The following OR7A17 variants were observed in gnomAD, a reference collection of about 807,000 sequenced individuals.
OR7A17 encodes the protein olfactory receptor 7A17.
For synonymous variants in OR7A17, 159 were observed against 142.1 expected (o/e 1.12, Z -0.85); for missense variants, 366 against 365.5 (o/e 1.00, Z -0.01).
At position 14,878,626 on chromosome 19, in the gene OR7A17, C is replaced by T. The variant is rs1161841391; in HGVS notation, c.*1800G>A. The T allele has an allele frequency of 1.3e-5, 2 of 152,138 alleles. No homozygotes were observed. The highest frequency in any genetic ancestry group is 2.9e-5 in the Non-Finnish European group (2 of 68,016). 9.4% of individuals were successfully genotyped at this position (152,138 alleles called of 1,614,324 possible). ...ACCTCATTACAAATGGGCACCAAGC[C>T]TCTATAAGTAGATGTATATCATCAG... On this transcript the variant is annotated 3_prime_UTR_variant, in exon 3 of 3. Coordinates refer to ENST00000641113, the MANE Select transcript of OR7A17 (RefSeq NM_030901.2).
At position 14,881,364 on chromosome 19, in the gene OR7A17, T is replaced by TTTTATTTA; in HGVS notation, c.-10_-9insTAAATAAA. ...TCATTCTCTGGTTCCATCTTTTTTT[T>TTTTATTTA]TCTATTTATTTATTTATTTATTTAT... On this transcript the variant is annotated 5_prime_UTR_variant, in exon 3 of 3. Transcript: ENST00000641113. 1 of 1,151,292 alleles carries TTTTATTTA rather than the reference T, an allele frequency of 8.7e-7. No homozygotes were observed. 71.3% of individuals were successfully genotyped at this position (1,151,292 alleles called of 1,614,324 possible).
chr19:14,880,531 T>C lies in OR7A17; in HGVS notation c.825A>G (p.Ser275=), dbSNP rs774342888. The change falls in exon 3 of 3, where the codon TCA becomes TCG. Residue 275 remains serine, a synonymous_variant. Transcript: ENST00000641113. The stretch of plus-strand genomic sequence containing the variant: ...TGGGGGTGGCCACAGTGTACATCAC[T>C]GAGGCTGTTGCACTTGTGTGTGAGT... ...THNSHTSATA[S]VMYTVATPML... is the part of the protein sequence containing the mutation. The C allele has an allele frequency of 1.2e-6, 2 of 1,614,184 alleles. No individual in the cohort carries two copies. Among genetic ancestry groups the C allele is most frequent in the Non-Finnish European group, 1.7e-6 (2 of 1,180,024 alleles).
chr19:14,885,022 AAACT>A (rs2045129601), intron 1 of OR7A17, among the ~76,000 whole-genome samples: 1 of 152,210 alleles, frequency 6.6e-6, no homozygotes, highest in African/African-American at 2.4e-5. Context: ...CCAATGACAA[AAACT>A]ACATGATTAT....
intron 1 of OR7A17, among the ~76,000 whole-genome samples, chr19:14,884,001 G>A (rs1162519553): frequency 1.3e-5 from 2 of 152,154 alleles, no homozygotes; most frequent in African/African-American, 2.4e-5. Context: ...ATCCAATTTA[G>A]TTGCAAAAGA....
At chr19:14,882,603 A>T (rs774919991) in intron 1 of OR7A17, among the ~76,000 whole-genome samples, 1 of 152,258 alleles carries the variant, frequency 6.6e-6, no homozygotes, top group Admixed American at 6.5e-5. Flanking sequence ...ACTTAAAGAC[A>T]CAAGGAGTCC....
At chr19:14,884,714 A>G (rs954093754) in intron 1 of OR7A17, 1 of 152,026 alleles carries the variant, frequency 6.6e-6, no homozygotes, top group Admixed American at 6.6e-5. Context: ...ACCTGGTATC[A>G]CTCCTTCTGA....
Position 14,880,129 on chromosome 19 carries a change from C to A in OR7A17, c.*297G>T, listed in dbSNP as rs957891505. On this transcript the variant is annotated 3_prime_UTR_variant, in exon 3 of 3. Coordinates refer to ENST00000641113, the MANE Select transcript of OR7A17 (RefSeq NM_030901.2). ...GATTCTGCAGGACTAATGCAACCCACAAGTGTAGGAGAAAAATAGGAATCT... is the reference window on the plus strand; with the variant it reads ...GATTCTGCAGGACTAATGCAACCCAAAAGTGTAGGAGAAAAATAGGAATCT... 7 of 202,578 alleles carry A rather than the reference C, an allele frequency of 3.5e-5. No individual in the cohort carries two copies. Among genetic ancestry groups the A allele is most frequent in the Non-Finnish European group, 6.6e-5 (7 of 106,166 alleles). 12.5% of individuals were successfully genotyped at this position (202,578 alleles called of 1,614,324 possible).
chr19:14,885,528 T>C (rs796852818), intron 1 of OR7A17, among the ~76,000 whole-genome samples: 3 of 152,240 alleles, frequency 2.0e-5, no homozygotes, highest in African/African-American at 7.2e-5. Flanking sequence ...TCACAATTGC[T>C]ACAAAGAGAA....
rs1355178961 is a variant in OR7A17, at chr19:14,879,984, C to T, written c.*442G>A. On this transcript the variant is annotated 3_prime_UTR_variant, in exon 3 of 3. Coordinates refer to ENST00000641113, the MANE Select transcript of OR7A17 (RefSeq NM_030901.2). ...TCGTGTGGGGTAAAGTTTACATGAC[C>T]AGGAAGAACACTTAAGGTGGTGGTG... 1 of 152,632 alleles carries T rather than the reference C, an allele frequency of 6.6e-6. No homozygotes were observed. The highest frequency in any genetic ancestry group is 1.5e-5 in the Non-Finnish European group (1 of 68,558). The allele number at this position is 152,632 out of a possible 1,614,324, so 9.5% of individuals were successfully genotyped here.
At chr19:14,883,422 A>G (rs1426282758) in intron 1 of OR7A17, among the ~76,000 whole-genome samples, 1 of 152,066 alleles carries the variant, frequency 6.6e-6, no homozygotes, top group Non-Finnish European at 1.5e-5. Flanking sequence ...CCTGGGCAAC[A>G]AGAGCGAAAC....
chr19:14,885,461 C>T lies in OR7A17; in HGVS notation c.-295+480G>A, dbSNP rs1293895897. On this transcript the variant is annotated intron_variant, in intron 1 of 2. Coordinates refer to ENST00000641113, the MANE Select transcript of OR7A17 (RefSeq NM_030901.2). ...ATACAAAATCAATGTGCAAAAATCACAAGCATTCCTATACAGCAATAATAG... is the reference window on the plus strand; with the variant it reads ...ATACAAAATCAATGTGCAAAAATCATAAGCATTCCTATACAGCAATAATAG... Among the ~76,000 whole-genome samples the T allele has an allele frequency of 2.0e-5, 3 of 152,180 alleles. No individual in the cohort carries two copies. The East Asian group carries it at 5.8e-4, about 29-fold the overall frequency.
At chr19:14,883,684 A>C (rs974103936) in intron 1 of OR7A17, among the ~76,000 whole-genome samples, 2 of 152,214 alleles carry the variant, frequency 1.3e-5, no homozygotes, top group Non-Finnish European at 2.9e-5. Flanking sequence ...AAAAAAATTA[A>C]AGCAATGAGA....
In OR7A17 at chr19:14,880,911, A is replaced by G. The variant is rs202130064; in HGVS notation, c.445T>C (p.Trp149Arg). The G allele has an allele frequency of 5.0e-6, 8 of 1,614,200 alleles. No individual in the cohort carries two copies. The highest frequency in any genetic ancestry group is 6.8e-6 in the Non-Finnish European group (8 of 1,180,022). ...RLCGLLVLAS[W>R]MIAALNSLSQ... ...AAGGAATTCAGGGCAGCAATCATCCAGGATGCCAGAACCAGGAGTCCACAG... is the reference window on the plus strand; with the variant it reads ...AAGGAATTCAGGGCAGCAATCATCCGGGATGCCAGAACCAGGAGTCCACAG... The change falls in exon 3 of 3, where the codon TGG becomes CGG. Residue 149 changes from tryptophan (W) to arginine (R), a missense_variant. Trp to Arg is a moderately radical substitution (Grantham distance 101). Transcript: ENST00000641113.
Position 14,879,045 on chromosome 19 carries a change from G to A in OR7A17, c.*1381C>T, listed in dbSNP as rs1426567919. ...CATAGTAGATGTATATACTTATGGG[G>A]TACATGAGATGTTTTGATACAGGCA... On this transcript the variant is annotated 3_prime_UTR_variant, in exon 3 of 3. Coordinates refer to ENST00000641113, the MANE Select transcript of OR7A17 (RefSeq NM_030901.2). The A allele has an allele frequency of 6.6e-6, 1 of 151,982 alleles. No homozygotes were observed. The highest frequency in any genetic ancestry group is 1.5e-5 in the Non-Finnish European group (1 of 68,012). 9.4% of individuals were successfully genotyped at this position (151,982 alleles called of 1,614,324 possible). A position where few individuals can be genotyped will look rare whatever the true frequency, so the allele number is the denominator to read the frequency against.
chr19:14,881,440 G>T lies in OR7A17; in HGVS notation c.-85C>A. On this transcript the variant is annotated 5_prime_UTR_variant, in exon 3 of 3. Coordinates refer to ENST00000641113, the MANE Select transcript of OR7A17 (RefSeq NM_030901.2). ...CAGGGTCTCTCACTCTGTTGCCAACGCTGGTCTGAACCTCCTGGACTCATG... is the reference window on the plus strand; with the variant it reads ...CAGGGTCTCTCACTCTGTTGCCAACTCTGGTCTGAACCTCCTGGACTCATG... 1.1e-6 allele frequency: 1 copy of T among 941,410 alleles called. No individual in the cohort carries two copies. Among genetic ancestry groups the T allele is most frequent in the Non-Finnish European group, 1.4e-6 (1 of 715,134 alleles). The allele number at this position is 941,410 out of a possible 1,614,324, so 58.3% of individuals were successfully genotyped here.
At chr19:14,885,840 G>T (rs2045133464) in intron 1 of OR7A17, 101 bp downstream of exon 1, 1 of 152,174 alleles carries the variant, frequency 6.6e-6, no homozygotes, top group Non-Finnish European at 1.5e-5. Flanking sequence ...AAGGAACAAA[G>T]CTGGAGGAAA....
At chr19:14,884,394 C>G (rs1033346814) in intron 1 of OR7A17, among the ~76,000 whole-genome samples, 1 of 152,076 alleles carries the variant, frequency 6.6e-6, no homozygotes, top group Admixed American at 6.6e-5. Flanking sequence ...ATTTTGAGAA[C>G]AGCCGGGGCA....
chr19:14,882,877 GT>G (rs1197821554), intron 1 of OR7A17, among the ~76,000 whole-genome samples: 1 of 152,136 alleles, frequency 6.6e-6, no homozygotes, highest in Non-Finnish European at 1.5e-5. Flanking sequence ...TGTTACTCTT[GT>G]GCTTTTCTCA....
chr19:14,880,300 A>T lies in OR7A17; in HGVS notation c.*126T>A. On this transcript the variant is annotated 3_prime_UTR_variant, in exon 3 of 3. Coordinates refer to ENST00000641113, the MANE Select transcript of OR7A17 (RefSeq NM_030901.2). ...ATTCTATGTCAGTTGAGATCAAAGA[A>T]ATTGAAACTCTGAGAAAAAATAGAA... The T allele has an allele frequency of 1.4e-6, 1 of 735,068 alleles. No individual in the cohort carries two copies. The highest frequency in any genetic ancestry group is 2.2e-6 in the Non-Finnish European group (1 of 464,860). 45.5% of individuals were successfully genotyped at this position (735,068 alleles called of 1,614,324 possible).
Sources: allele counts gnomAD v4.1 joint callset (sites outside exome capture counted in the v4.1 genomes callset), GRCh38; gene constraint gnomAD v4.1.1; transcripts MANE v1.5; gene names NCBI Gene and HGNC (gene_info 2026-07-23, HGNC 2026-07-21).